BLM: variants seen among roughly 807,000 people sequenced by gnomAD.
The protein encoded by BLM is recQ-like DNA helicase BLM.
Under a neutral mutation model 135.3 loss-of-function variants are expected in BLM, and 95 were observed. The observed-to-expected ratio is 0.70, with a 90% confidence interval of 0.59 to 0.83. BLM has a LOEUF of 0.83. Among genes scored for constraint, BLM ranks in the 40% least tolerant of loss-of-function variants. The pLI, the probability that BLM is intolerant of heterozygous loss-of-function variation, is 0.00. For missense variants in BLM, 1,518 were observed against 1,663.9 expected, an observed-to-expected ratio of 0.91 and a Z score of 1.53; for synonymous variants, 520 against 589.2, an observed-to-expected ratio of 0.88 and a Z score of 1.70.
chr15:90,783,158 C>T (rs567204759), intron 13 of BLM, among the ~76,000 whole-genome samples: 42 of 152,340 alleles, frequency 2.8e-4, no homozygotes, highest in South Asian at 2.1e-4. Context: ...CCCTCCTACA[C>T]ACGTATATTA....
At chr15:90,783,681 C>G (rs1390452825) in intron 13 of BLM, among the ~76,000 whole-genome samples, 1 of 152,152 alleles carries the variant, frequency 6.6e-6, no homozygotes, top group Non-Finnish European at 1.5e-5. Context: ...GGGTGAATCA[C>G]TTGAGGTCAG....
At chr15:90,777,419 C>T (rs1407495054) in intron 12 of BLM, among the ~76,000 whole-genome samples, 2 of 152,198 alleles carry the variant, frequency 1.3e-5, no homozygotes, top group African/African-American at 4.8e-5. Flanking sequence ...TCTGAAAGTG[C>T]TGGGATTAGA....
chr15:90,742,488 G>T (rs904420620), intron 1 of BLM, among the ~76,000 whole-genome samples: 1 of 152,056 alleles, frequency 6.6e-6, no homozygotes, highest in Non-Finnish European at 1.5e-5. Context: ...AGTAAGGTTT[G>T]ACCTAGTCTT....
chr15:90,753,637 G>A (rs990134262), intron 4 of BLM, among the ~76,000 whole-genome samples: 4 of 152,136 alleles, frequency 2.6e-5, no homozygotes, highest in African/African-American at 7.2e-5. Flanking sequence ...TATTTTTTGT[G>A]CAATGCACAG....
At chr15:90,743,008 T>C (rs1895408245) in intron 1 of BLM, among the ~76,000 whole-genome samples, 2 of 151,862 alleles carry the variant, frequency 1.3e-5, no homozygotes, top group Admixed American at 1.3e-4. Flanking sequence ...CTTTTTTTTT[T>C]TTTTTTTTTA....
chr15:90,737,702 A>G (rs770716640), intron 1 of BLM, among the ~76,000 whole-genome samples: 5 of 152,234 alleles, frequency 3.3e-5, no homozygotes, highest in Non-Finnish European at 4.4e-5. Flanking sequence ...TTATAGCTAC[A>G]AATGCTTACA....
chr15:90,789,654 A>C (rs1280375288), intron 14 of BLM, among the ~76,000 whole-genome samples: 2 of 152,096 alleles, frequency 1.3e-5, no homozygotes, highest in Non-Finnish European at 2.9e-5. Context: ...TACTGTCCAC[A>C]TACTCCAGAG....
chr15:90,751,715 A>C, intron 3 of BLM, 72 bp from the exon 4 acceptor site: 1 of 1,357,844 alleles, frequency 7.4e-7, no homozygotes, highest in Non-Finnish European at 1.0e-6. Flanking sequence ...CTCATTCTTA[A>C]TCGCTCATGC....
intron 3 of BLM, among the ~76,000 whole-genome samples, chr15:90,750,672 C>T (rs1256954103): frequency 6.6e-6 from 1 of 152,124 alleles, no homozygotes; most frequent in Non-Finnish European, 1.5e-5. Flanking sequence ...TATATCTTTA[C>T]AAAGGAAGGG....
At chr15:90,772,436 G>A (rs1031268743) in intron 12 of BLM, among the ~76,000 whole-genome samples, 1 of 152,142 alleles carries the variant, frequency 6.6e-6, no homozygotes, top group Non-Finnish European at 1.5e-5. Context: ...TACATATCCA[G>A]CCTACTCAGT....
chr15:90,740,398 G>A (rs1381180488), intron 1 of BLM, among the ~76,000 whole-genome samples: 1 of 152,134 alleles, frequency 6.6e-6, no homozygotes. Flanking sequence ...CATTACTGTA[G>A]CATTTATCAG....
chr15:90,750,169 G>C, intron 3 of BLM, 102 bp downstream of exon 3: 1 of 1,268,272 alleles, frequency 7.9e-7, no homozygotes. Flanking sequence ...TTGTCCTTAA[G>C]GTTGTTAGGG....
At chr15:90,760,112 CAAAG>C (rs764761516) in intron 5 of BLM, 31 bp from the exon 6 acceptor site, 3 of 1,576,384 alleles carry the variant, frequency 1.9e-6, no homozygotes, top group Non-Finnish European at 2.6e-6. Context: ...TTTTTTCCCT[CAAAG>C]AAAAATATTA....
At chr15:90,743,763 T>G (rs1313709780) in intron 1 of BLM, among the ~76,000 whole-genome samples, 1 of 152,232 alleles carries the variant, frequency 6.6e-6, no homozygotes, top group Non-Finnish European at 1.5e-5. Flanking sequence ...GAGACACCCT[T>G]ATGGTTCTTA....
rs28385024 is a variant in BLM, at chr15:90,765,011, G to C, written c.2075-285G>C. On this transcript the variant is annotated intron_variant, in intron 8 of 21. Coordinates refer to ENST00000355112, the MANE Select transcript of BLM (RefSeq NM_000057.4). ...TTGAACCTGGGAGGTGGAGATTGTA[G>C]TGAGCTCAGATGGCACCACTGCACT... Among the ~76,000 whole-genome samples, 8,825 of 152,230 alleles carry C rather than the reference G, an allele frequency of 0.058. 348 individuals are homozygous for C. The highest frequency in any genetic ancestry group is 0.077 in the Non-Finnish European group (5,204 of 68,020).
At chr15:90,720,684 T>G (rs986822131) in intron 1 of BLM, among the ~76,000 whole-genome samples, 18 of 151,998 alleles carry the variant, frequency 1.2e-4, no homozygotes, top group Non-Finnish European at 2.6e-4. Context: ...CGGGCTCAAG[T>G]GATCCTCCCA....
intron 12 of BLM, among the ~76,000 whole-genome samples, chr15:90,773,849 A>G (rs992699598): frequency 3.3e-5 from 5 of 151,900 alleles, no homozygotes; most frequent in African/African-American, 9.7e-5. Context: ...CATTTTATGG[A>G]TCCTACTTTC....
Position 90,809,201 on chromosome 15 carries a change from A to G in BLM, c.3816A>G (p.Glu1272=), listed in dbSNP as rs1217739518. Residue 1272 remains glutamate (E), a synonymous_variant, in exon 20 of 22, where the codon GAA becomes GAG. Transcript: ENST00000355112. ...QIDGVTEDKL[E]KYGAEVISVL... Reference sequence around the variant, plus strand: ...ATGGTGTTACTGAAGACAAACTGGAAAAATATGGTGCGGAAGTGATTTCAG... The same window carrying G: ...ATGGTGTTACTGAAGACAAACTGGAGAAATATGGTGCGGAAGTGATTTCAG... The G allele has an allele frequency of 6.2e-7, 1 of 1,614,086 alleles. No individual in the cohort carries two copies. The highest frequency in any genetic ancestry group is 2.2e-5 in the East Asian group (1 of 44,904).
chr15:90,785,204 AT>A (rs1389796879), intron 14 of BLM, 123 bp downstream of exon 14: 1 of 1,135,366 alleles, frequency 8.8e-7, no homozygotes, highest in East Asian at 2.6e-5. Flanking sequence ...TAAGACTGAA[AT>A]TTAAAAAACA....
Sources: allele counts gnomAD v4.1 joint callset (sites outside exome capture counted in the v4.1 genomes callset), GRCh38; gene constraint gnomAD v4.1.1; transcripts MANE v1.5; gene names NCBI Gene and HGNC (gene_info 2026-07-23, HGNC 2026-07-21).